The following VMP1 variants were observed in gnomAD, a reference collection of about 807,000 sequenced individuals.
The protein encoded by VMP1 is vacuole membrane protein 1.
VMP1 carries 11 observed loss-of-function variants against 56.0 expected under a neutral mutation model. The ratio of observed to expected loss-of-function variants is 0.20; its 90% CI spans 0.12 to 0.32. VMP1 has a LOEUF of 0.32. Ranked by LOEUF, VMP1 falls within the 10% of genes least tolerant of loss-of-function variation. The probability of loss-of-function intolerance (pLI) is 1.00; values close to 1 mark genes in which losing one functional copy is unlikely to be tolerated. For missense variants in VMP1, 296 were observed against 490.3 expected, an observed-to-expected ratio of 0.60 and a Z score of 3.74; for synonymous variants, 149 against 165.0, an observed-to-expected ratio of 0.90 and a Z score of 0.74.
At chr17:59,721,966 A>G (rs2034417159) in intron 1 of VMP1, among the ~76,000 whole-genome samples, 2 of 152,228 alleles carry the variant, frequency 1.3e-5, no homozygotes, top group Admixed American at 6.5e-5. Flanking sequence ...GCTTACAGAC[A>G]GCCACCTTCT....
At chr17:59,741,486 G>A (rs181606197) in intron 5 of VMP1, among the ~76,000 whole-genome samples, 4 of 152,278 alleles carry the variant, frequency 2.6e-5, no homozygotes, top group Non-Finnish European at 4.4e-5. Context: ...AATGGAAATA[G>A]CATTTGGGAT....
chr17:59,738,686 A>G, intron 4 of VMP1, 151 bp from the exon 5 acceptor site: 1 of 545,574 alleles, frequency 1.8e-6, no homozygotes, highest in East Asian at 3.4e-5. Context: ...ATTGTGTATT[A>G]AAGAAATTAG....
chr17:59,765,211 G>A, intron 6 of VMP1, 73 bp downstream of exon 6: 1 of 1,480,632 alleles, frequency 6.8e-7, no homozygotes, highest in Non-Finnish European at 9.1e-7. Flanking sequence ...TTATTGAAAT[G>A]GAATCTAAAC....
At chr17:59,757,768 T>C (rs368931090) in intron 5 of VMP1, among the ~76,000 whole-genome samples, 21 of 151,790 alleles carry the variant, frequency 1.4e-4, no homozygotes, top group African/African-American at 4.8e-4. Flanking sequence ...ATGTCCAATA[T>C]GTTGCAAATA....
rs148072128 is a variant in VMP1 at position 59,740,541 on chromosome 17, G to A, written c.414+1594G>A. Among the ~76,000 whole-genome samples, 394 of 152,300 alleles carry A rather than the reference G, an allele frequency of 2.6e-3. 1 individual carries two copies. The highest frequency in any genetic ancestry group is 8.4e-3 in the African/African-American group (351 of 41,560). On this transcript the variant is annotated intron_variant, in intron 5 of 11. Coordinates refer to ENST00000262291, the MANE Select transcript of VMP1 (RefSeq NM_030938.5). Reference sequence around the variant, plus strand: ...AAGGGTACTGGATTAATGATCTGACGAATGCTTTGGGAATTAATCTATAAT... The same window carrying A: ...AAGGGTACTGGATTAATGATCTGACAAATGCTTTGGGAATTAATCTATAAT...
intron 10 of VMP1, among the ~76,000 whole-genome samples, chr17:59,833,172 G>C (rs1457179660): frequency 1.3e-5 from 2 of 151,960 alleles, no homozygotes; most frequent in Non-Finnish European, 2.9e-5. Context: ...CTGGTCTGCT[G>C]CTTGAGAATA....
At chr17:59,825,656 A>G (rs2038623815) in intron 10 of VMP1, among the ~76,000 whole-genome samples, 1 of 152,190 alleles carries the variant, frequency 6.6e-6, no homozygotes, top group African/African-American at 2.4e-5. Flanking sequence ...ACCACACAAG[A>G]AAAGTTTCCA....
intron 5 of VMP1, among the ~76,000 whole-genome samples, chr17:59,741,102 G>T (rs147487187): frequency 6.6e-6 from 1 of 152,100 alleles, no homozygotes; most frequent in Non-Finnish European, 1.5e-5. Context: ...AGGCTGAAGC[G>T]AGAGGATGGC....
chr17:59,833,713 CTT>C (rs1009938355), intron 10 of VMP1, among the ~76,000 whole-genome samples: 12 of 152,234 alleles, frequency 7.9e-5, no homozygotes, highest in Admixed American at 7.8e-4. Flanking sequence ...AAGTGTATCT[CTT>C]TTTAAAATTA....
intron 1 of VMP1, among the ~76,000 whole-genome samples, chr17:59,710,388 A>G (rs548865429): frequency 2.0e-5 from 3 of 152,296 alleles, no homozygotes; most frequent in African/African-American, 7.2e-5. Context: ...TAAGGTCTCA[A>G]GTGTTCTTTC....
intron 10 of VMP1, chr17:59,833,950 G>C (rs1013450701): frequency 6.6e-6 from 1 of 151,986 alleles, no homozygotes; most frequent in Non-Finnish European, 1.5e-5. Flanking sequence ...ACAATTTACA[G>C]TACTGTTTTT....
chr17:59,808,791 T>C lies in VMP1; in HGVS notation c.715-5T>C. 1 of 1,613,010 alleles carries C rather than the reference T, an allele frequency of 6.2e-7. No individual in the cohort carries two copies. The highest frequency in any genetic ancestry group is 1.1e-5 in the South Asian group (1 of 90,840). On this transcript the variant is annotated splice_region_variant and splice_polypyrimidine_tract_variant and intron_variant, in intron 7 of 11. Coordinates refer to ENST00000262291, the MANE Select transcript of VMP1 (RefSeq NM_030938.5). ...ATTAATGTTTCTAAATTTGCCTTTT[T>C]ACAGGACTTTGCCTCCCGGGCCAAA...
At chr17:59,812,804 G>A (rs1421079615) in intron 9 of VMP1, among the ~76,000 whole-genome samples, 2 of 152,102 alleles carry the variant, frequency 1.3e-5, no homozygotes, top group Non-Finnish European at 2.9e-5. Flanking sequence ...GGTGGCGCAC[G>A]CTTGTAATCC....
chr17:59,753,274 GA>G (rs770381220), intron 5 of VMP1, among the ~76,000 whole-genome samples: 196 of 141,894 alleles, frequency 1.4e-3, no homozygotes, highest in African/African-American at 4.5e-3. Context: ...CCTGTCTCAA[GA>G]AAAAAAAAAA....
chr17:59,786,540 T>C (rs535722254), intron 7 of VMP1, among the ~76,000 whole-genome samples: 1 of 152,226 alleles, frequency 6.6e-6, no homozygotes, highest in African/African-American at 2.4e-5. Flanking sequence ...TTGAAGACTC[T>C]GGGTGTCAGT....
At chr17:59,775,192 C>A (rs1256672372) in intron 7 of VMP1, among the ~76,000 whole-genome samples, 1 of 152,198 alleles carries the variant, frequency 6.6e-6, no homozygotes, top group South Asian at 2.1e-4. Context: ...AATCCACCCG[C>A]CTTGGCCTCC....
At position 59,809,014 on chromosome 17, in the gene VMP1, T is replaced by C. The variant is rs57574552; in HGVS notation, c.795+138T>C. On this transcript the variant is annotated intron_variant, in intron 8 of 11. Transcript: ENST00000262291. ...TGTGAATCATTCACCTTTTTTTTTTTTTAAGACGGAGTCTCCCTCTTGTCA... is the reference window on the plus strand; with the variant it reads ...TGTGAATCATTCACCTTTTTTTTTTCTTAAGACGGAGTCTCCCTCTTGTCA... 10,023 of 717,636 alleles carry C rather than the reference T, an allele frequency of 0.014. 743 individuals carry two copies. The African/African-American group carries it at 0.16, about 12-fold the overall frequency. The allele number at this position is 717,636 out of a possible 1,614,324, so 44.5% of individuals were successfully genotyped here.
At chr17:59,835,737 G>A (rs1275567583) in intron 10 of VMP1, among the ~76,000 whole-genome samples, 2 of 150,718 alleles carry the variant, frequency 1.3e-5, no homozygotes, top group Non-Finnish European at 3.0e-5. Flanking sequence ...TGATCCGCCC[G>A]CCTCGGCCTC....
chr17:59,775,363 C>A (rs2036584283), intron 7 of VMP1, among the ~76,000 whole-genome samples: 1 of 151,984 alleles, frequency 6.6e-6, no homozygotes, highest in Admixed American at 6.6e-5. Context: ...TGCAGTGAGC[C>A]CTGATTGTGC....
Sources: gnomAD v4.1 joint callset for allele counts (sites outside exome capture counted in the v4.1 genomes callset) on GRCh38, gnomAD v4.1.1 for gene constraint, MANE v1.5 for transcripts, NCBI Gene and HGNC (gene_info 2026-07-23, HGNC 2026-07-21) for gene names.